Variants in CLVS2 observed in about 807,000 individuals in gnomAD.
CLVS2 encodes clavesin-2.
Under a neutral mutation model 29.0 loss-of-function variants are expected in CLVS2, and 19 were observed. The ratio of observed to expected loss-of-function variants is 0.66; its 90% CI spans 0.46 to 0.96. The LOEUF (loss-of-function observed/expected upper bound fraction) is 0.96. Among genes scored for constraint, CLVS2 ranks in the 40% least tolerant of loss-of-function variants. CLVS2 has a pLI of 0.00. For synonymous variants in CLVS2, 161 were observed against 151.3 expected (o/e 1.06, Z -0.47); for missense variants, 294 against 404.1 (o/e 0.73, Z 2.34).
Position 123,063,783 on chromosome 6 carries a change from A to G in CLVS2, c.*22A>G, listed in dbSNP as rs372083950. On this transcript the variant is annotated 3_prime_UTR_variant, in exon 6 of 6. Coordinates refer to ENST00000275162, the MANE Select transcript of CLVS2 (RefSeq NM_001010852.4). Reference sequence around the variant, plus strand: ...CTAATAACTTCTCTACATCCCCTTCATGGATTAGAAATGGAAAGTATTGGT... The same window carrying G: ...CTAATAACTTCTCTACATCCCCTTCGTGGATTAGAAATGGAAAGTATTGGT... 8 of 1,485,366 alleles carry G rather than the reference A, an allele frequency of 5.4e-6. No homozygotes were observed. The highest frequency in any genetic ancestry group is 1.7e-5 in the Admixed American group (1 of 59,636). The allele number at this position is 1,485,366 out of a possible 1,614,324, so 92.0% of individuals were successfully genotyped here. A position where few individuals can be genotyped will look rare whatever the true frequency, so the allele number is the denominator to read the frequency against.
In CLVS2 at chr6:123,028,422, G is replaced by C. The variant is rs189176500; in HGVS notation, c.564+17263G>C. Among the ~76,000 whole-genome samples, 300 of 152,308 alleles carry C rather than the reference G, an allele frequency of 2.0e-3. 3 individuals carry two copies. The highest frequency in any genetic ancestry group is 6.9e-3 in the African/African-American group (288 of 41,564). On this transcript the variant is annotated intron_variant, in intron 3 of 5. Coordinates refer to ENST00000275162, the MANE Select transcript of CLVS2 (RefSeq NM_001010852.4). ...TGCCTGTAATCCCAGCAGTTTGGGA[G>C]GCCGAGGCAAGCGGATTGCTTGAGC...
intron 5 of CLVS2, among the ~76,000 whole-genome samples, chr6:123,063,414 A>G (rs1772807498): frequency 6.6e-6 from 1 of 152,116 alleles, no homozygotes; most frequent in African/African-American, 2.4e-5. Context: ...AGAGCTCTTA[A>G]GCCTGGTATT....
chr6:123,023,181 T>C (rs548947422), intron 3 of CLVS2, among the ~76,000 whole-genome samples: 1 of 152,214 alleles, frequency 6.6e-6, no homozygotes, highest in Non-Finnish European at 1.5e-5. Flanking sequence ...TGGAGAGCTC[T>C]CTGGAACTCA....
chr6:123,020,264 A>T (rs1180961237), intron 3 of CLVS2, among the ~76,000 whole-genome samples: 1 of 152,104 alleles, frequency 6.6e-6, no homozygotes, highest in Admixed American at 6.6e-5. Context: ...TTACCAGTAG[A>T]GTATCCCAGA....
intron 3 of CLVS2, among the ~76,000 whole-genome samples, chr6:123,028,430 C>T (rs1775033957): frequency 6.6e-6 from 1 of 152,152 alleles, no homozygotes; most frequent in Non-Finnish European, 1.5e-5. Context: ...GAGGCCGAGG[C>T]AAGCGGATTG....
At chr6:123,005,863 C>A (rs1015092457) in intron 2 of CLVS2, among the ~76,000 whole-genome samples, 3 of 152,102 alleles carry the variant, frequency 2.0e-5, no homozygotes, top group African/African-American at 4.8e-5. Context: ...TTAAATGATG[C>A]CATTATGGCA....
chr6:123,006,085 T>A (rs1774663607), intron 2 of CLVS2, among the ~76,000 whole-genome samples: 1 of 152,148 alleles, frequency 6.6e-6, no homozygotes, highest in African/African-American at 2.4e-5. Context: ...TGAAGCACTA[T>A]AATTTCAGAA....
chr6:123,019,029 T>C (rs2078545277), intron 3 of CLVS2, among the ~76,000 whole-genome samples: 1 of 152,062 alleles, frequency 6.6e-6, no homozygotes, highest in Admixed American at 6.6e-5. Context: ...GCTGCTGTCT[T>C]CTCCATATGG....
chr6:123,042,825 C>A (rs932464327), intron 3 of CLVS2, among the ~76,000 whole-genome samples: 2 of 152,226 alleles, frequency 1.3e-5, no homozygotes, highest in South Asian at 4.1e-4. Context: ...GAATCAGAAC[C>A]TTCTAGAAGA....
In CLVS2 at chr6:123,067,316, C is replaced by T. The variant is rs1772877584; in HGVS notation, c.*3555C>T. ...GTTTATGACTCTTCACATAAAGAAA[C>T]CTTCAGAGCCATGGAGTATGTCTTC... On this transcript the variant is annotated 3_prime_UTR_variant, in exon 6 of 6. Transcript: ENST00000275162. 1 of 151,562 alleles carries T rather than the reference C, an allele frequency of 6.6e-6. No homozygotes were observed. The highest frequency in any genetic ancestry group is 2.4e-5 in the African/African-American group (1 of 41,354). 9.4% of individuals were successfully genotyped at this position (151,562 alleles called of 1,614,324 possible). A position where few individuals can be genotyped will look rare whatever the true frequency, so the allele number is the denominator to read the frequency against.
chr6:123,041,830 T>C lies in CLVS2; in HGVS notation c.565-6792T>C, dbSNP rs566078316. 1.8e-3 allele frequency among the ~76,000 whole-genome samples: 279 copies of C among 152,282 alleles called. 4 individuals are homozygous for C. The highest frequency in any genetic ancestry group is 6.4e-3 in the African/African-American group (266 of 41,560). ...ATACTATAAAGTATCTAGATGTGAA[T>C]CTAGAACATCAATTTTCAATTTAAA... On this transcript the variant is annotated intron_variant, in intron 3 of 5. Coordinates refer to ENST00000275162, the MANE Select transcript of CLVS2 (RefSeq NM_001010852.4).
intron 4 of CLVS2, among the ~76,000 whole-genome samples, chr6:123,054,598 AGAAAGCAAATAT>A (rs1208641893): frequency 6.6e-6 from 1 of 152,252 alleles, no homozygotes; most frequent in African/African-American, 2.4e-5. Context: ...CTGAAGGTAC[AGAAAGCAAATAT>A]GAATGTGTTA....
At position 122,996,298 on chromosome 6, in the gene CLVS2, A is replaced by G; in HGVS notation, c.-1008A>G. 1 of 153,788 alleles carries G rather than the reference A, an allele frequency of 6.5e-6. No individual in the cohort carries two copies. Among genetic ancestry groups the G allele is most frequent in the Non-Finnish European group, 1.4e-5 (1 of 69,498 alleles). 9.5% of individuals were successfully genotyped at this position (153,788 alleles called of 1,614,324 possible). A position where few individuals can be genotyped will look rare whatever the true frequency, so the allele number is the denominator to read the frequency against. ...GCCCGGTGGGGCAACCCTGACTCGG[A>G]CCGCTCGGGAGAGCCCCAGGAGAGG... is the stretch of plus-strand genomic sequence containing the variant. On this transcript the variant is annotated 5_prime_UTR_variant, in exon 1 of 6. Transcript: ENST00000275162.
intron 3 of CLVS2, among the ~76,000 whole-genome samples, chr6:123,030,091 T>A (rs1003960129): frequency 4.5e-4 from 68 of 152,246 alleles, no homozygotes; most frequent in African/African-American, 1.6e-3. Context: ...GAAAAAGAAG[T>A]ACAGTTTATC....
intron 2 of CLVS2, among the ~76,000 whole-genome samples, chr6:123,004,256 G>A (rs921318610): frequency 7.2e-5 from 11 of 151,982 alleles, no homozygotes; most frequent in African/African-American, 2.7e-4. Context: ...TTATTTTTTG[G>A]TGGCAATAGA....
In CLVS2 at chr6:123,016,338, T is replaced by TGG. The variant is rs1469712499; in HGVS notation, c.564+5179_564+5180insGG. Reference sequence around the variant, plus strand: ...TTTACAGTAAAATTACGTGCTTTTTTTGGGGGGGAGGGGGAGGGTTACTGT... The same window carrying TGG: ...TTTACAGTAAAATTACGTGCTTTTTTGGTGGGGGGGAGGGGGAGGGTTACTGT... On this transcript the variant is annotated intron_variant, in intron 3 of 5. Coordinates refer to ENST00000275162, the MANE Select transcript of CLVS2 (RefSeq NM_001010852.4). Among the ~76,000 whole-genome samples the TGG allele has an allele frequency of 4.9e-4, 16 of 32,694 alleles. No individual in the cohort carries two copies. The East Asian group carries it at 0.011, about 22-fold the overall frequency. 21.4% of individuals were successfully genotyped at this position (32,694 alleles called of 152,430 possible). A position where few individuals can be genotyped will look rare whatever the true frequency, so the allele number is the denominator to read the frequency against.
At chr6:123,058,247 C>T (rs1163039902) in intron 5 of CLVS2, among the ~76,000 whole-genome samples, 6 of 152,122 alleles carry the variant, frequency 3.9e-5, no homozygotes, top group Admixed American at 3.3e-4. Context: ...GAGGGCTCCA[C>T]TGCATGAGAT....
At chr6:123,003,593 T>TTGG (rs1774621895) in intron 2 of CLVS2, among the ~76,000 whole-genome samples, 8 of 151,632 alleles carry the variant, frequency 5.3e-5, no homozygotes, top group African/African-American at 1.9e-4. Context: ...AAAAATACAC[T>TTGG]TTGAGAATTT....
chr6:123,019,100 A>T (rs1032146567), intron 3 of CLVS2, among the ~76,000 whole-genome samples: 1 of 152,062 alleles, frequency 6.6e-6, no homozygotes, highest in Non-Finnish European at 1.5e-5. Flanking sequence ...AGCAGGGAGA[A>T]TCACATGCAA....
Sources: allele counts gnomAD v4.1 joint callset (sites outside exome capture counted in the v4.1 genomes callset), GRCh38; gene constraint gnomAD v4.1.1; transcripts MANE v1.5; gene names NCBI Gene and HGNC (gene_info 2026-07-23, HGNC 2026-07-21).